Variants in TRAPPC2 observed in about 807,000 individuals in gnomAD.
TRAPPC2 encodes the protein trafficking protein particle complex subunit 2.
In TRAPPC2, 4 loss-of-function variants were observed where a neutral mutation model predicts 10.0. That is an observed-to-expected ratio of 0.40 (90% CI 0.20 to 0.92). TRAPPC2 has a LOEUF of 0.92. Among genes scored for constraint, TRAPPC2 ranks in the 40% least tolerant of loss-of-function variants. TRAPPC2 has a pLI of 0.35. For missense variants in TRAPPC2, 52 were observed against 108.7 expected (o/e 0.48, Z 2.32); for synonymous variants, 36 against 37.3 (o/e 0.97, Z 0.12).
At chrX:13,714,561 G>T in intron 5 of TRAPPC2, 56 bp from the exon 6 acceptor site, 1 of 663,462 alleles carries the variant, frequency 1.5e-6, no homozygotes, top group Non-Finnish European at 2.2e-6. Flanking sequence ...TTAAGTTTCT[G>T]AAAGGAAATC....
At position 13,714,235 on chromosome X, in the gene TRAPPC2, G is replaced by A. The variant is rs1392949014; in HGVS notation, c.*172C>T. The A allele has an allele frequency of 6.7e-6, 2 of 299,310 alleles. No homozygotes were observed. Among genetic ancestry groups the A allele is most frequent in the Non-Finnish European group, 1.2e-5 (2 of 166,789 alleles). 24.7% of individuals were successfully genotyped at this position (299,310 alleles called of 1,213,427 possible). ...GAAATACCAATTGATCTATTGATAC[G>A]TGACATGAGACAGAATGTACTATTT... On this transcript the variant is annotated 3_prime_UTR_variant, in exon 6 of 6. Transcript: ENST00000380579.
chrX:13,723,187 C>A (rs1238440059), intron 2 of TRAPPC2, among the ~76,000 whole-genome samples: 1 of 111,037 alleles, frequency 9.0e-6, no homozygotes, highest in Non-Finnish European at 1.9e-5. Context: ...GGCCACAGTA[C>A]TAGACAGCAC....
Position 13,714,376 on chromosome X carries a change from G to T in TRAPPC2, c.*31C>A. 1.0e-6 allele frequency: 1 copy of T among 957,701 alleles called. No homozygotes were observed. Among genetic ancestry groups the T allele is most frequent in the Non-Finnish European group, 1.5e-6 (1 of 685,921 alleles). 78.9% of individuals were successfully genotyped at this position (957,701 alleles called of 1,213,427 possible). On this transcript the variant is annotated 3_prime_UTR_variant, in exon 6 of 6. Transcript: ENST00000380579. ...ACATTCCTGAGTATACACCATTGTG[G>T]TGACATCATTTATTTTGGAATTTTC...
Position 13,713,219 on chromosome X carries a change from G to A in TRAPPC2, c.*1188C>T, listed in dbSNP as rs1221588020. The A allele has an allele frequency of 9.0e-6, 1 of 110,690 alleles. No homozygotes were observed. The highest frequency in any genetic ancestry group is 1.9e-5 in the Non-Finnish European group (1 of 52,902). The allele number at this position is 110,690 out of a possible 1,213,427, so 9.1% of individuals were successfully genotyped here. A position where few individuals can be genotyped will look rare whatever the true frequency, so the allele number is the denominator to read the frequency against. Reference sequence around the variant, plus strand: ...AATCCTAGCACTTTGGGAGGCTGAGGCGGGTGGATCAACTGAGGTCAGGAG... The same window carrying A: ...AATCCTAGCACTTTGGGAGGCTGAGACGGGTGGATCAACTGAGGTCAGGAG... On this transcript the variant is annotated 3_prime_UTR_variant, in exon 6 of 6. Coordinates refer to ENST00000380579, the MANE Select transcript of TRAPPC2 (RefSeq NM_001011658.4).
intron 2 of TRAPPC2, chrX:13,721,291 C>T (rs1037498270): frequency 7.1e-5 from 8 of 112,033 alleles, no homozygotes; most frequent in African/African-American, 2.6e-4. Context: ...TCCTAATGTC[C>T]GTTTTCTCAT....
At chrX:13,731,630 T>C (rs2046679880) in intron 2 of TRAPPC2, among the ~76,000 whole-genome samples, 1 of 111,604 alleles carries the variant, frequency 9.0e-6, no homozygotes, top group East Asian at 2.8e-4. Context: ...CACTATGGTA[T>C]ACCTAGAGCT....
chrX:13,721,581 C>G (rs762068020), intron 2 of TRAPPC2: 2 of 112,005 alleles, frequency 1.8e-5, no homozygotes, highest in Non-Finnish European at 3.8e-5. Context: ...ATTGGGCCTT[C>G]TGCTGATTCA....
At chrX:13,716,402 C>A in intron 4 of TRAPPC2, 132 bp downstream of exon 4, 1 of 826,613 alleles carries the variant, frequency 1.2e-6, no homozygotes, top group Non-Finnish European at 1.7e-6. Context: ...AAAGTAGCCC[C>A]ATAAATGGAA....
chrX:13,717,768 T>C (rs2046328412), intron 3 of TRAPPC2, among the ~76,000 whole-genome samples: 1 of 111,758 alleles, frequency 8.9e-6, no homozygotes, highest in Non-Finnish European at 1.9e-5. Flanking sequence ...TTTCAAAGAA[T>C]ACCTGTTATG....
At chrX:13,718,912 T>G (rs765476342) in intron 3 of TRAPPC2, among the ~76,000 whole-genome samples, 1 of 110,961 alleles carries the variant, frequency 9.0e-6, no homozygotes, top group Non-Finnish European at 1.9e-5. Flanking sequence ...TCCCAGCACT[T>G]TGGGAGGCCG....
chrX:13,731,151 G>A (rs763104980), intron 2 of TRAPPC2, among the ~76,000 whole-genome samples: 2 of 112,328 alleles, frequency 1.8e-5, no homozygotes, highest in African/African-American at 3.2e-5. Context: ...ATTAACAAAT[G>A]TGATTGCATA....
intron 3 of TRAPPC2, among the ~76,000 whole-genome samples, chrX:13,717,982 C>T (rs2046332781): frequency 8.9e-6 from 1 of 111,869 alleles, no homozygotes; most frequent in South Asian, 3.7e-4. Context: ...GAGAAAAATG[C>T]CACATGAAGA....
chrX:13,717,157 G>GT (rs2046313221), intron 3 of TRAPPC2, among the ~76,000 whole-genome samples: 1 of 109,916 alleles, frequency 9.1e-6, no homozygotes, highest in Admixed American at 9.8e-5. Context: ...GTGGCACCAG[G>GT]TAAGCAGTAG....
In TRAPPC2 at chrX:13,713,356, AGG is replaced by A. The variant is rs780151683; in HGVS notation, c.*1049_*1050del. The A allele has an allele frequency of 1.9e-5, 2 of 105,148 alleles. No individual in the cohort carries two copies. The highest frequency in any genetic ancestry group is 6.1e-4 in the East Asian group (2 of 3,254). The allele number at this position is 105,148 out of a possible 1,213,427, so 8.7% of individuals were successfully genotyped here. ...TCCCAGCTACTCGGGAGGCTGAAGA[AGG>A]AGAATTGCTTGAACCCAGGAGGTGG... On this transcript the variant is annotated 3_prime_UTR_variant, in exon 6 of 6. Transcript: ENST00000380579.
chrX:13,722,208 C>CCAAAAAAA (rs1555898002), intron 2 of TRAPPC2: 2 of 36,118 alleles, frequency 5.5e-5, no homozygotes, highest in African/African-American at 2.4e-4. Context: ...TAAGCAGCAG[C>CCAAAAAAA]AAAAAAAAAA....
At chrX:13,722,624 A>C (rs966269909) in intron 2 of TRAPPC2, among the ~76,000 whole-genome samples, 3 of 112,006 alleles carry the variant, frequency 2.7e-5, no homozygotes, top group African/African-American at 9.8e-5. Context: ...GAACAGCTGC[A>C]AACACTTAGC....
At chrX:13,718,680 T>C (rs981278670) in intron 3 of TRAPPC2, among the ~76,000 whole-genome samples, 1 of 112,448 alleles carries the variant, frequency 8.9e-6, no homozygotes, top group African/African-American at 3.2e-5. Flanking sequence ...CTATCTTATT[T>C]TGGTGGCAAG....
At chrX:13,716,497 C>A (rs1221110969) in intron 4 of TRAPPC2, 37 bp downstream of exon 4, 2 of 1,208,457 alleles carry the variant, frequency 1.7e-6, no homozygotes, top group Admixed American at 2.2e-5. Context: ...TGAGCCCAAA[C>A]TTTAGTTAGT....
At position 13,733,609 on chromosome X, in the gene TRAPPC2, G is replaced by A. The variant is rs775104054; in HGVS notation, c.-20+435C>T. On this transcript the variant is annotated intron_variant, in intron 2 of 5. Transcript: ENST00000380579. ...TCACAGCCAGAGATCAAAACTCATC[G>A]TACTCATCTTCAATGCTGTACACAA... Among the ~76,000 whole-genome samples the A allele has an allele frequency of 2.7e-5, 3 of 111,737 alleles. No individual in the cohort carries two copies. The Admixed American group carries it at 2.9e-4, about 11-fold the overall frequency.
Sources: gnomAD v4.1 joint callset for allele counts (sites outside exome capture counted in the v4.1 genomes callset) on GRCh38, gnomAD v4.1.1 for gene constraint, MANE v1.5 for transcripts, NCBI Gene and HGNC (gene_info 2026-07-23, HGNC 2026-07-21) for gene names.